Variants in PTBP2 observed in about 807,000 individuals in gnomAD.
PTBP2 encodes polypyrimidine tract binding protein 2, also known as polypyrimidine tract-binding protein 2.
Under a neutral mutation model 61.4 loss-of-function variants are expected in PTBP2, and 13 were observed. The ratio of observed to expected loss-of-function variants is 0.21; its 90% CI spans 0.14 to 0.34. The LOEUF (loss-of-function observed/expected upper bound fraction) is 0.34, where lower values mean the gene tolerates loss of function less well. Ranked by LOEUF, PTBP2 falls within the 10% of genes least tolerant of loss-of-function variation. The pLI, the probability that PTBP2 is intolerant of heterozygous loss-of-function variation, is 1.00. For missense variants in PTBP2, 405 were observed against 642.6 expected, an observed-to-expected ratio of 0.63 and a Z score of 4.00; for synonymous variants, 215 against 218.5, an observed-to-expected ratio of 0.98 and a Z score of 0.14.
chr1:96,780,942 T>C (rs1019145204), intron 7 of PTBP2, among the ~76,000 whole-genome samples: 3 of 152,070 alleles, frequency 2.0e-5, no homozygotes, highest in African/African-American at 7.2e-5. Flanking sequence ...TCAGATATTA[T>C]TGATTATACC....
At chr1:96,775,409 A>ATTG (rs1657919901) in intron 5 of PTBP2, among the ~76,000 whole-genome samples, 3 of 152,208 alleles carry the variant, frequency 2.0e-5, no homozygotes, top group African/African-American at 7.2e-5. Context: ...CAGCAGCAGA[A>ATTG]TATGTTGTGT....
At chr1:96,806,719 T>A (rs1661525514) in intron 10 of PTBP2, 147 bp from the exon 11 acceptor site, 9 of 693,862 alleles carry the variant, frequency 1.3e-5, no homozygotes, top group Non-Finnish European at 1.9e-5. Flanking sequence ...AATCTTGATC[T>A]TCTTTATTCA....
chr1:96,804,661 T>C, intron 8 of PTBP2, 139 bp from the exon 9 acceptor site: 1 of 796,068 alleles, frequency 1.3e-6, no homozygotes, highest in Non-Finnish European at 1.9e-6. Context: ...CTAAACACTA[T>C]AAAAATTAAC....
intron 2 of PTBP2, among the ~76,000 whole-genome samples, chr1:96,743,819 T>C (rs6679060): frequency 1.3e-5 from 2 of 152,098 alleles, no homozygotes; most frequent in African/African-American, 2.4e-5. Flanking sequence ...TTCTAAGCTG[T>C]TTTATTAAAT....
At chr1:96,751,986 A>G (rs894812345) in intron 3 of PTBP2, among the ~76,000 whole-genome samples, 2 of 151,998 alleles carry the variant, frequency 1.3e-5, no homozygotes, top group Non-Finnish European at 2.9e-5. Context: ...TTCTGAGTTG[A>G]TCCTTTTATG....
intron 3 of PTBP2, among the ~76,000 whole-genome samples, chr1:96,766,130 G>A (rs1044092165): frequency 2.0e-5 from 3 of 152,048 alleles, no homozygotes; most frequent in Admixed American, 2.0e-4. Flanking sequence ...TTAGAATTGA[G>A]GTGAAAAACT....
At chr1:96,722,002 C>G in intron 1 of PTBP2, 130 bp downstream of exon 1, 1 of 1,185,826 alleles carries the variant, frequency 8.4e-7, no homozygotes, top group South Asian at 1.3e-5. Context: ...CCAACCCCCG[C>G]CCCATCGCAC....
In PTBP2 at chr1:96,732,262, A is replaced by G. The variant is rs1264959120; in HGVS notation, c.39+8668A>G. On this transcript the variant is annotated intron_variant, in intron 2 of 13. Coordinates refer to ENST00000674951, the MANE Select transcript of PTBP2 (RefSeq NM_021190.4). ...AATAGTTGTGTGTAACTGGTTGTTC[A>G]TTATAGATGTGTTATTCAAAACTTT... Among the ~76,000 whole-genome samples the G allele has an allele frequency of 2.6e-5, 4 of 152,316 alleles. No homozygotes were observed. The East Asian group carries it at 7.7e-4, about 29-fold the overall frequency.
At chr1:96,807,397 T>G (rs1661599347) in intron 11 of PTBP2, among the ~76,000 whole-genome samples, 1 of 152,212 alleles carries the variant, frequency 6.6e-6, no homozygotes, top group African/African-American at 2.4e-5. Context: ...AAAACACTGT[T>G]GTTAATCCCT....
intron 11 of PTBP2, among the ~76,000 whole-genome samples, chr1:96,808,255 G>A (rs1274072815): frequency 6.6e-6 from 1 of 151,956 alleles, no homozygotes; most frequent in African/African-American, 2.4e-5. Context: ...CATAGACTGA[G>A]TAGATGAAAC....
rs955530725 is a variant in PTBP2 at position 96,787,504 on chromosome 1, CTAAGTGACTTCTTTTTTTTA to C, written c.904+2252_904+2271del. ...AAAAGGAAAAAGTGTTTAGCCTTTC[CTAAGTGACTTCTTTTTTTTA>C]TCTGTTTTAATGTTTTTGCATCTTG... On this transcript the variant is annotated intron_variant, in intron 8 of 13. Transcript: ENST00000674951. Among the ~76,000 whole-genome samples, 211 of 152,090 alleles carry C rather than the reference CTAAGTGACTTCTTTTTTTTA, an allele frequency of 1.4e-3. 1 individual carries two copies. The highest frequency in any genetic ancestry group is 1.6e-4 in the Non-Finnish European group (11 of 67,998).
intron 8 of PTBP2, among the ~76,000 whole-genome samples, chr1:96,800,196 C>T (rs971998107): frequency 6.6e-6 from 1 of 152,056 alleles, no homozygotes; most frequent in Non-Finnish European, 1.5e-5. Flanking sequence ...GGAAGTAAAT[C>T]GACAGGTGAG....
intron 2 of PTBP2, among the ~76,000 whole-genome samples, chr1:96,739,690 G>A (rs79554282): frequency 0.28 from 39,508 of 142,668 alleles, 6,542 homozygotes; most frequent in East Asian, 0.45. Flanking sequence ...GCAGTGGCGC[G>A]ATCTCTGCTC....
At chr1:96,799,233 A>T (rs955141701) in intron 8 of PTBP2, among the ~76,000 whole-genome samples, 2 of 149,554 alleles carry the variant, frequency 1.3e-5, no homozygotes, top group Non-Finnish European at 3.0e-5. Context: ...TTAGCACATG[A>T]TCGTTTATGA....
At chr1:96,755,356 G>T (rs1472035034) in intron 3 of PTBP2, among the ~76,000 whole-genome samples, 1 of 152,194 alleles carries the variant, frequency 6.6e-6, no homozygotes, top group Non-Finnish European at 1.5e-5. Flanking sequence ...TGGAAAGCAT[G>T]AGTTGGGAAG....
intron 2 of PTBP2, among the ~76,000 whole-genome samples, chr1:96,734,756 A>G (rs1370965085): frequency 6.6e-6 from 1 of 151,644 alleles, no homozygotes; most frequent in Non-Finnish European, 1.5e-5. Context: ...TTTTTTTGGT[A>G]ATATTTTTAA....
intron 1 of PTBP2, among the ~76,000 whole-genome samples, chr1:96,723,354 G>A (rs1321862130): frequency 1.3e-5 from 2 of 152,162 alleles, no homozygotes; most frequent in Non-Finnish European, 2.9e-5. Flanking sequence ...AATACCACAA[G>A]TTGTCTCACA....
intron 1 of PTBP2, among the ~76,000 whole-genome samples, chr1:96,722,689 A>G (rs1649778796): frequency 6.6e-6 from 1 of 152,196 alleles, no homozygotes. Context: ...ATAGTCAACA[A>G]AGGGCTATCT....
At chr1:96,750,297 G>T (rs1570781622) in intron 2 of PTBP2, among the ~76,000 whole-genome samples, 1 of 151,998 alleles carries the variant, frequency 6.6e-6, no homozygotes, top group Non-Finnish European at 1.5e-5. Flanking sequence ...ACTATGCCAT[G>T]CCAGATCTTC....
Sources: gnomAD v4.1 joint callset for allele counts (sites outside exome capture counted in the v4.1 genomes callset) on GRCh38, gnomAD v4.1.1 for gene constraint, MANE v1.5 for transcripts, NCBI Gene and HGNC (gene_info 2026-07-23, HGNC 2026-07-21) for gene names.